Variants in KCNMA1 observed in about 807,000 individuals in gnomAD.
The protein encoded by KCNMA1 is Calcium-activated potassium channel subunit alpha-1.
A neutral mutation model predicts 140.0 loss-of-function variants in KCNMA1; 29 were observed. That is an observed-to-expected ratio of 0.21 (90% CI 0.15 to 0.28). The LOEUF (loss-of-function observed/expected upper bound fraction) is 0.28, where lower values mean the gene tolerates loss of function less well. Ranked by LOEUF, KCNMA1 falls within the 10% of genes least tolerant of loss-of-function variation. KCNMA1 has a pLI of 1.00. For synonymous variants in KCNMA1, 612 were observed against 611.9 expected (o/e 1.00, Z 0.00); for missense variants, 880 against 1,602.2 (o/e 0.55, Z 7.70).
At chr10:77,256,193 C>T (rs1202242411) in intron 2 of KCNMA1, among the ~76,000 whole-genome samples, 1 of 152,172 alleles carries the variant, frequency 6.6e-6, no homozygotes, top group Non-Finnish European at 1.5e-5. Context: ...GGAAAGCTGG[C>T]TCTTAGAAAT....
chr10:77,197,916 A>G (rs1223178827), intron 3 of KCNMA1, among the ~76,000 whole-genome samples: 1 of 152,190 alleles, frequency 6.6e-6, no homozygotes. Flanking sequence ...AGAACACTGT[A>G]CAGAGCGCTG....
intron 5 of KCNMA1, among the ~76,000 whole-genome samples, chr10:77,154,961 G>GT (rs2098465963): frequency 6.6e-6 from 1 of 152,220 alleles, no homozygotes; most frequent in Non-Finnish European, 1.5e-5. Context: ...TAGATCAGTG[G>GT]AGAACTGAAG....
chr10:77,143,556 C>A (rs2154027866), intron 5 of KCNMA1, among the ~76,000 whole-genome samples: 1 of 152,204 alleles, frequency 6.6e-6, no homozygotes, highest in Admixed American at 6.5e-5. Context: ...AGAAATCAGT[C>A]TCAACTCTTA....
intron 2 of KCNMA1, among the ~76,000 whole-genome samples, chr10:77,387,580 CTTTTCTCTTTTCTTT>C (rs2095654946): frequency 6.9e-6 from 1 of 145,886 alleles, no homozygotes; most frequent in Non-Finnish European, 1.5e-5. Context: ...TCTTTTTTTT[CTTTTCTCTTTTCTTT>C]TCTTTTCTTT....
intron 23 of KCNMA1, 123 bp downstream of exon 23, chr10:76,944,650 C>A: frequency 2.3e-6 from 2 of 861,876 alleles, no homozygotes. Flanking sequence ...ATCATGGTGA[C>A]CGCAGGTTTC....
intron 21 of KCNMA1, among the ~76,000 whole-genome samples, chr10:76,949,912 G>A (rs1394504621): frequency 2.6e-5 from 4 of 152,052 alleles, no homozygotes; most frequent in Admixed American, 6.6e-5. Context: ...AGCCAGGAGT[G>A]GAAAACTACG....
At chr10:76,978,146 C>A (rs911370802) in intron 19 of KCNMA1, among the ~76,000 whole-genome samples, 2 of 152,196 alleles carry the variant, frequency 1.3e-5, no homozygotes, top group African/African-American at 4.8e-5. Context: ...CATGGTGTGG[C>A]AGTTTCACTG....
At chr10:77,556,973 T>C (rs868700105) in intron 1 of KCNMA1, among the ~76,000 whole-genome samples, 1 of 152,206 alleles carries the variant, frequency 6.6e-6, no homozygotes, top group Admixed American at 6.5e-5. Context: ...GCATGTATTA[T>C]ATTGATGATC....
chr10:77,052,125 C>A (rs1038024390), intron 14 of KCNMA1, among the ~76,000 whole-genome samples: 2 of 152,144 alleles, frequency 1.3e-5, no homozygotes, highest in African/African-American at 4.8e-5. Flanking sequence ...TCATGGCTTC[C>A]TATTGCTTAG....
At chr10:77,441,237 C>T (rs1051688806) in intron 1 of KCNMA1, among the ~76,000 whole-genome samples, 1 of 152,164 alleles carries the variant, frequency 6.6e-6, no homozygotes, top group Non-Finnish European at 1.5e-5. Flanking sequence ...CTGAACTTTG[C>T]CTTATAAGTA....
chr10:76,899,860 A>T (rs1383456689), intron 25 of KCNMA1, among the ~76,000 whole-genome samples: 2 of 152,174 alleles, frequency 1.3e-5, no homozygotes, highest in Non-Finnish European at 2.9e-5. Flanking sequence ...ATTTAATGGC[A>T]TGGTAATAAT....
At chr10:77,229,354 A>C (rs970686214) in intron 3 of KCNMA1, among the ~76,000 whole-genome samples, 2 of 137,674 alleles carry the variant, frequency 1.5e-5, no homozygotes, top group African/African-American at 5.3e-5. Context: ...AAAAAAAAAA[A>C]AACTTTCTAT....
intron 2 of KCNMA1, among the ~76,000 whole-genome samples, chr10:77,280,093 GA>G (rs780431681): frequency 1.3e-5 from 2 of 152,078 alleles, no homozygotes; most frequent in African/African-American, 2.4e-5. Context: ...CTCTAATAGA[GA>G]ACACCAACAT....
intron 14 of KCNMA1, among the ~76,000 whole-genome samples, chr10:77,054,999 T>C (rs918015823): frequency 1.3e-5 from 2 of 152,064 alleles, no homozygotes; most frequent in Non-Finnish European, 2.9e-5. Context: ...AGAGAATGAT[T>C]ATTGAATATG....
intron 22 of KCNMA1, among the ~76,000 whole-genome samples, chr10:76,947,092 T>G (rs949708466): frequency 2.6e-5 from 4 of 152,158 alleles, no homozygotes; most frequent in South Asian, 2.1e-4. Context: ...CCCAGCACTT[T>G]GGGAGGCCGA....
At chr10:77,294,295 T>C (rs1001876207) in intron 2 of KCNMA1, among the ~76,000 whole-genome samples, 4 of 152,148 alleles carry the variant, frequency 2.6e-5, no homozygotes, top group African/African-American at 7.2e-5. Flanking sequence ...AACCCCCAAC[T>C]AGTGAGCTAT....
At chr10:77,262,799 G>A (rs2062380027) in intron 2 of KCNMA1, among the ~76,000 whole-genome samples, 1 of 151,978 alleles carries the variant, frequency 6.6e-6, no homozygotes, top group Non-Finnish European at 1.5e-5. Flanking sequence ...GCAGAAGTGG[G>A]TGCCATGCTT....
chr10:76,905,988 C>T (rs1163534619), intron 25 of KCNMA1, among the ~76,000 whole-genome samples: 1 of 152,230 alleles, frequency 6.6e-6, no homozygotes, highest in East Asian at 1.9e-4. Context: ...GCTTTACAAC[C>T]TTTACCCATT....
At chr10:77,097,634 A>C (rs2096967007) in intron 9 of KCNMA1, among the ~76,000 whole-genome samples, 3 of 152,150 alleles carry the variant, frequency 2.0e-5, no homozygotes, top group African/African-American at 7.2e-5. Context: ...AATAAAAACA[A>C]AGCAAATGAG....
Sources: allele counts gnomAD v4.1 joint callset (sites outside exome capture counted in the v4.1 genomes callset), GRCh38; gene constraint gnomAD v4.1.1; transcripts MANE v1.5; gene names NCBI Gene and HGNC (gene_info 2026-07-23, HGNC 2026-07-21).